ELMOD1: variants seen among roughly 807,000 people sequenced by gnomAD.
ELMOD1 encodes ELMO domain containing 1.
Under a neutral mutation model 46.7 loss-of-function variants are expected in ELMOD1, and 21 were observed. The observed-to-expected ratio is 0.45, with a 90% CI of 0.32 to 0.65. The LOEUF is 0.65. Among genes scored for constraint, ELMOD1 ranks in the 30% least tolerant of loss-of-function variants. ELMOD1 has a pLI of 0.04. For synonymous variants in ELMOD1, 122 were observed against 138.2 expected, an observed-to-expected ratio of 0.88 and a Z score of 0.82; for missense variants, 348 against 407.8, an observed-to-expected ratio of 0.85 and a Z score of 1.26.
intron 2 of ELMOD1, chr11:107,625,543 C>T: frequency 1.0e-6 from 1 of 985,274 alleles, no homozygotes; most frequent in Non-Finnish European, 1.2e-6. Flanking sequence ...GTACCCACAC[C>T]CCCTCACCCC....
intron 7 of ELMOD1, 79 bp downstream of exon 7, chr11:107,647,680 T>C (rs1005493117): frequency 7.3e-5 from 105 of 1,439,092 alleles, no homozygotes; most frequent in Non-Finnish European, 9.3e-5. Flanking sequence ...GTTGAGTAAT[T>C]AGCTTCAAAA....
chr11:107,607,902 A>G (rs1865712838), intron 1 of ELMOD1, among the ~76,000 whole-genome samples: 2 of 152,018 alleles, frequency 1.3e-5, no homozygotes, highest in Non-Finnish European at 2.9e-5. Flanking sequence ...TTTAGATATT[A>G]CTGATCTTGA....
chr11:107,644,908 G>GT (rs35769494), intron 6 of ELMOD1, among the ~76,000 whole-genome samples: 39,663 of 126,858 alleles, frequency 0.31, 6,323 homozygotes, highest in Non-Finnish European at 0.37. Flanking sequence ...TTCCTAAAGG[G>GT]TTTTTGTTTT....
intron 2 of ELMOD1, among the ~76,000 whole-genome samples, chr11:107,620,779 G>T (rs540446342): frequency 1.3e-5 from 2 of 152,202 alleles, no homozygotes; most frequent in Non-Finnish European, 2.9e-5. Context: ...CAGGAGAATC[G>T]CTTGAACCAG....
At chr11:107,658,952 G>A (rs1565392536) in intron 11 of ELMOD1, among the ~76,000 whole-genome samples, 1 of 152,094 alleles carries the variant, frequency 6.6e-6, no homozygotes, top group African/African-American at 2.4e-5. Context: ...AATAAATATT[G>A]AAAAAGTCTG....
chr11:107,664,096 C>T (rs1186500557), intron 11 of ELMOD1, among the ~76,000 whole-genome samples: 1 of 152,128 alleles, frequency 6.6e-6, no homozygotes, highest in Non-Finnish European at 1.5e-5. Context: ...GGTGATCCAC[C>T]TCAGCCTCCC....
Position 107,631,633 on chromosome 11 carries a change from A to C in ELMOD1, c.246A>C (p.Glu82Asp). The change falls in exon 5 of 12, where the codon GAA becomes GAC. Residue 82 changes from glutamate (E) to aspartate (D), a missense_variant. By Grantham distance (45) the Glu-to-Asp change is conservative. Transcript: ENST00000265840. ...VHPDAIEKTI[E>D]DIMELKKINP... is the part of the protein sequence containing the mutation. ...CCGACGCTATTGAAAAAACTATAGA[A>C]GATATCATGGAACTGAAAAAAATTA... 6.4e-7 allele frequency: 1 copy of C among 1,563,820 alleles called. No homozygotes were observed. Among genetic ancestry groups the C allele is most frequent in the Non-Finnish European group, 8.7e-7 (1 of 1,153,140 alleles).
intron 2 of ELMOD1, among the ~76,000 whole-genome samples, chr11:107,627,525 G>C (rs1866063644): frequency 6.6e-6 from 1 of 152,136 alleles, no homozygotes; most frequent in South Asian, 2.1e-4. Context: ...TTTGATGTAA[G>C]ACTGTCTTGA....
chr11:107,657,539 C>A (rs772276050), intron 11 of ELMOD1, among the ~76,000 whole-genome samples: 3 of 152,158 alleles, frequency 2.0e-5, no homozygotes, highest in African/African-American at 4.8e-5. Context: ...ATCAATCAAT[C>A]AGTCAATCAA....
Position 107,618,115 on chromosome 11 carries a change from C to A in ELMOD1, c.-75C>A. ...AATTTCTTCCCACAGTTGACACTTACTTTGACAAAGGCAAATTTGGAAGCA... is the reference window on the plus strand; with the variant it reads ...AATTTCTTCCCACAGTTGACACTTAATTTGACAAAGGCAAATTTGGAAGCA... On this transcript the variant is annotated 5_prime_UTR_variant, in exon 2 of 12. Transcript: ENST00000265840. 3.3e-6 allele frequency: 5 copies of A among 1,507,766 alleles called. No homozygotes were observed. Among genetic ancestry groups the A allele is most frequent in the Non-Finnish European group, 4.5e-6 (5 of 1,106,990 alleles). 93.4% of individuals were successfully genotyped at this position (1,507,766 alleles called of 1,614,324 possible).
intron 5 of ELMOD1, among the ~76,000 whole-genome samples, chr11:107,632,817 A>C (rs776537136): frequency 6.6e-6 from 1 of 152,142 alleles, no homozygotes; most frequent in African/African-American, 2.4e-5. Context: ...TTTTCTATGA[A>C]AGTTATATAA....
intron 2 of ELMOD1, among the ~76,000 whole-genome samples, chr11:107,620,891 A>G (rs545526037): frequency 5.3e-5 from 8 of 152,284 alleles, no homozygotes; most frequent in Admixed American, 5.2e-4. Flanking sequence ...AGAAAAGAAA[A>G]AGAAAACATG....
intron 11 of ELMOD1, among the ~76,000 whole-genome samples, chr11:107,663,576 A>G (rs1866783136): frequency 6.6e-6 from 1 of 152,190 alleles, no homozygotes; most frequent in Admixed American, 6.5e-5. Flanking sequence ...TTAAACAAAT[A>G]TAAGCATGCT....
rs1019861112 is a variant in ELMOD1 at position 107,666,421 on chromosome 11, T to C, written c.*1224T>C. 1.8e-4 allele frequency: 27 copies of C among 152,508 alleles called. No homozygotes were observed. The highest frequency in any genetic ancestry group is 6.5e-4 in the African/African-American group (27 of 41,434). The allele number at this position is 152,508 out of a possible 1,614,324, so 9.4% of individuals were successfully genotyped here. On this transcript the variant is annotated 3_prime_UTR_variant, in exon 12 of 12. Coordinates refer to ENST00000265840, the MANE Select transcript of ELMOD1 (RefSeq NM_018712.4). ...CAAGGGGCAATATTAAAAAACAATTTGCAAGAAAATGTGTTTCAAGAGAGC... is the reference window on the plus strand; with the variant it reads ...CAAGGGGCAATATTAAAAAACAATTCGCAAGAAAATGTGTTTCAAGAGAGC...
rs1455878445 is a variant in ELMOD1, at chr11:107,591,214, C to T, written c.-281C>T. The T allele has an allele frequency of 6.6e-6, 1 of 152,342 alleles. No individual in the cohort carries two copies. The highest frequency in any genetic ancestry group is 6.5e-5 in the Admixed American group (1 of 15,282). The allele number at this position is 152,342 out of a possible 1,614,324, so 9.4% of individuals were successfully genotyped here. On this transcript the variant is annotated 5_prime_UTR_variant, in exon 1 of 12. Coordinates refer to ENST00000265840, the MANE Select transcript of ELMOD1 (RefSeq NM_018712.4). ...TGCTCCGCTCCACGCGACCCAGATT[C>T]CTGCCCCGCCCCCGCCCCTTCCGCG...
At chr11:107,631,776 C>G (rs934792557) in intron 5 of ELMOD1, 99 bp downstream of exon 5, 1 of 577,104 alleles carries the variant, frequency 1.7e-6, no homozygotes, top group Admixed American at 4.0e-5. Context: ...CTCCCTCTCT[C>G]CCTAAAATAA....
intron 9 of ELMOD1, among the ~76,000 whole-genome samples, chr11:107,651,999 G>T (rs1286715927): frequency 6.6e-6 from 1 of 152,192 alleles, no homozygotes; most frequent in Non-Finnish European, 1.5e-5. Context: ...ACTAGCATTT[G>T]TGTGTGCATG....
chr11:107,647,622 C>T (rs185170933), intron 7 of ELMOD1, 21 bp downstream of exon 7: 1 of 1,607,392 alleles, frequency 6.2e-7, no homozygotes, highest in African/African-American at 1.3e-5. Flanking sequence ...TGAAGGACAG[C>T]TAAGTGTTCG....
At chr11:107,615,631 T>C (rs1190666135) in intron 1 of ELMOD1, among the ~76,000 whole-genome samples, 1 of 152,216 alleles carries the variant, frequency 6.6e-6, no homozygotes. Context: ...CATTCAATTT[T>C]TCTTAGTTTT....
Sources: gnomAD v4.1 joint callset for allele counts (sites outside exome capture counted in the v4.1 genomes callset) on GRCh38, gnomAD v4.1.1 for gene constraint, MANE v1.5 for transcripts, NCBI Gene and HGNC (gene_info 2026-07-23, HGNC 2026-07-21) for gene names.